The following EXOC4 variants were observed in gnomAD, a reference collection of about 807,000 sequenced individuals.
The protein encoded by EXOC4 is SEC8-like 1.
Under a neutral mutation model 107.2 loss-of-function variants are expected in EXOC4, and 71 were observed. That is an observed-to-expected ratio of 0.66 (90% confidence interval 0.55 to 0.81). The LOEUF (loss-of-function observed/expected upper bound fraction) is 0.81. Ranked by LOEUF, EXOC4 falls within the 30% of genes least tolerant of loss-of-function variation. EXOC4 has a pLI of 0.00. For missense variants in EXOC4, 1,108 were observed against 1,189.6 expected (o/e 0.93, Z 1.01); for synonymous variants, 456 against 441.2 (o/e 1.03, Z -0.42).
At chr7:133,751,212 C>A (rs117541114) in intron 10 of EXOC4, among the ~76,000 whole-genome samples, 1 of 152,310 alleles carries the variant, frequency 6.6e-6, no homozygotes, top group East Asian at 1.9e-4. Flanking sequence ...ATTAGCAATT[C>A]TCTGGTAGTT....
chr7:133,644,530 C>T (rs891876310), intron 10 of EXOC4, among the ~76,000 whole-genome samples: 2 of 152,186 alleles, frequency 1.3e-5, no homozygotes, highest in South Asian at 2.1e-4. Context: ...TGTGAAAATA[C>T]ATTGTCTTTT....
intron 7 of EXOC4, among the ~76,000 whole-genome samples, chr7:133,388,895 GC>G (rs1796788783): frequency 6.6e-6 from 1 of 152,012 alleles, no homozygotes; most frequent in Admixed American, 6.6e-5. Context: ...TATATCCTTT[GC>G]TTTGTAAAAT....
intron 7 of EXOC4, among the ~76,000 whole-genome samples, chr7:133,432,035 C>A (rs1050026380): frequency 1.1e-4 from 17 of 152,040 alleles, no homozygotes; most frequent in Non-Finnish European, 2.4e-4. Flanking sequence ...AAAAAAGATT[C>A]CTGAATTTTG....
At chr7:133,872,498 T>C (rs1411092994) in intron 11 of EXOC4, among the ~76,000 whole-genome samples, 1 of 152,162 alleles carries the variant, frequency 6.6e-6, no homozygotes, top group South Asian at 2.1e-4. Flanking sequence ...GTCTAGGCAC[T>C]TAATTTTACC....
chr7:133,811,610 T>C (rs1797232031), intron 10 of EXOC4, among the ~76,000 whole-genome samples: 1 of 152,218 alleles, frequency 6.6e-6, no homozygotes, highest in South Asian at 2.1e-4. Flanking sequence ...ATAAAACTGT[T>C]CATTAGCTTG....
intron 11 of EXOC4, among the ~76,000 whole-genome samples, chr7:133,867,003 T>C (rs1798655106): frequency 6.6e-6 from 1 of 152,188 alleles, no homozygotes; most frequent in African/African-American, 2.4e-5. Flanking sequence ...ATTTGAAAAC[T>C]TTTGGCTCTG....
chr7:133,340,288 T>G (rs982483406), intron 5 of EXOC4, among the ~76,000 whole-genome samples: 1 of 152,232 alleles, frequency 6.6e-6, no homozygotes, highest in African/African-American at 2.4e-5. Flanking sequence ...TTGTTTTTAA[T>G]TCTGTTCATG....
intron 10 of EXOC4, among the ~76,000 whole-genome samples, chr7:133,792,808 G>T: frequency 6.6e-6 from 1 of 152,102 alleles, no homozygotes; most frequent in East Asian, 1.9e-4. Flanking sequence ...TTCTGAAAAA[G>T]TGTATAAAAA....
intron 13 of EXOC4, among the ~76,000 whole-genome samples, chr7:133,929,733 C>T (rs1362383466): frequency 6.6e-6 from 1 of 152,026 alleles, no homozygotes; most frequent in African/African-American, 2.4e-5. Flanking sequence ...TACCCTTCAC[C>T]CTCAAGTAGT....
In EXOC4 at chr7:133,867,909, T is replaced by C. The variant is rs187697435; in HGVS notation, c.1735-27690T>C. 7.0e-4 allele frequency among the ~76,000 whole-genome samples: 106 copies of C among 152,348 alleles called. 3 individuals carry two copies. The East Asian group carries it at 0.013, about 19-fold the overall frequency. On this transcript the variant is annotated intron_variant, in intron 11 of 17. Coordinates refer to ENST00000253861, the MANE Select transcript of EXOC4 (RefSeq NM_021807.4). ...TTATCTTACTGTATGGTTTAAGGGA[T>C]CTTTAAAGCATATGTGCTAATGGCC...
chr7:133,872,045 T>C (rs1798761479), intron 11 of EXOC4, among the ~76,000 whole-genome samples: 2 of 151,806 alleles, frequency 1.3e-5, no homozygotes, highest in Admixed American at 1.3e-4. Context: ...AGAGGCAAAA[T>C]GGCCTGGGGT....
chr7:133,621,658 G>A (rs1022522590), intron 9 of EXOC4, among the ~76,000 whole-genome samples: 1 of 152,168 alleles, frequency 6.6e-6, no homozygotes, highest in East Asian at 1.9e-4. Flanking sequence ...ACCTGTGAGT[G>A]ACTCTAGGGA....
At chr7:133,675,993 A>G (rs1160722001) in intron 10 of EXOC4, among the ~76,000 whole-genome samples, 2 of 152,098 alleles carry the variant, frequency 1.3e-5, no homozygotes, top group East Asian at 1.9e-4. Flanking sequence ...TCTCATCTCT[A>G]TGTGGCAATG....
chr7:133,412,571 G>T (rs1251689181), intron 7 of EXOC4, among the ~76,000 whole-genome samples: 2 of 151,670 alleles, frequency 1.3e-5, no homozygotes, highest in African/African-American at 2.4e-5. Context: ...TTTAGCTGTG[G>T]TCCCAATTAT....
At chr7:133,685,787 A>T (rs188403869) in intron 10 of EXOC4, among the ~76,000 whole-genome samples, 150 of 152,294 alleles carry the variant, frequency 9.8e-4, no homozygotes, top group African/African-American at 3.3e-3. Flanking sequence ...TTGCATAGAC[A>T]TATTGCGTAG....
intron 9 of EXOC4, among the ~76,000 whole-genome samples, chr7:133,580,965 A>C (rs1801252893): frequency 6.6e-6 from 1 of 152,240 alleles, no homozygotes; most frequent in African/African-American, 2.4e-5. Flanking sequence ...CTTTTCAGGA[A>C]GTAACTAACA....
chr7:133,327,820 C>A (rs186734061), intron 5 of EXOC4, among the ~76,000 whole-genome samples: 1 of 151,952 alleles, frequency 6.6e-6, no homozygotes, highest in African/African-American at 2.4e-5. Flanking sequence ...TTATGATTTC[C>A]GTTCTTTTGC....
intron 17 of EXOC4, among the ~76,000 whole-genome samples, chr7:134,043,009 C>T (rs1795556563): frequency 6.6e-6 from 1 of 152,196 alleles, no homozygotes; most frequent in South Asian, 2.1e-4. Flanking sequence ...CCACTACACT[C>T]CAGCCTGGGT....
chr7:133,393,954 C>T (rs981377398), intron 7 of EXOC4, among the ~76,000 whole-genome samples: 2 of 152,204 alleles, frequency 1.3e-5, no homozygotes, highest in Admixed American at 1.3e-4. Flanking sequence ...TCCCAGGAGA[C>T]CAGTTCCTCC....
Sources: allele counts gnomAD v4.1 joint callset (sites outside exome capture counted in the v4.1 genomes callset), GRCh38; gene constraint gnomAD v4.1.1; transcripts MANE v1.5; gene names NCBI Gene and HGNC (gene_info 2026-07-23, HGNC 2026-07-21).